Variants in ADCY3 observed in about 807,000 individuals in gnomAD.
ADCY3 encodes adenylate cyclase type 3.
A neutral mutation model predicts 119.4 loss-of-function variants in ADCY3; 70 were observed. The ratio of observed to expected loss-of-function variants is 0.59; its 90% confidence interval spans 0.48 to 0.72. The LOEUF (loss-of-function observed/expected upper bound fraction) is 0.72. Ranked by LOEUF, ADCY3 falls within the 30% of genes least tolerant of loss-of-function variation. The probability of loss-of-function intolerance (pLI) is 0.00; values close to 1 mark genes in which losing one functional copy is unlikely to be tolerated. For missense variants in ADCY3, 1,238 were observed against 1,541.6 expected, an observed-to-expected ratio of 0.80 and a Z score of 3.30; for synonymous variants, 672 against 621.4, an observed-to-expected ratio of 1.08 and a Z score of -1.21.
intron 2 of ADCY3, among the ~76,000 whole-genome samples, chr2:24,880,899 C>A (rs1676313709): frequency 6.6e-6 from 1 of 152,082 alleles, no homozygotes; most frequent in African/African-American, 2.4e-5. Context: ...CCTGTAATCC[C>A]AGCTATTCGG....
rs1322180749 is a variant in ADCY3, at chr2:24,842,985, G to C, written c.826-601C>G. Among the ~76,000 whole-genome samples the C allele has an allele frequency of 3.3e-5, 5 of 152,204 alleles. No homozygotes were observed. Reference sequence around the variant, plus strand: ...AGAGGACGGCGCAAGAGAGAAGCAGGGGCCAAGGTCGGCCGGGGAGGAGGC... The same window carrying C: ...AGAGGACGGCGCAAGAGAGAAGCAGCGGCCAAGGTCGGCCGGGGAGGAGGC... On this transcript the variant is annotated intron_variant, in intron 3 of 21. Transcript: ENST00000679454. The surrounding 1 kb of genome is among the most constrained non-coding windows in gnomAD (Gnocchi z 4.9).
At chr2:24,913,715 C>T (rs2149071247) in intron 2 of ADCY3, among the ~76,000 whole-genome samples, 1 of 152,342 alleles carries the variant, frequency 6.6e-6, no homozygotes, top group South Asian at 2.1e-4. Context: ...GCAGCTCCCT[C>T]CAGCCCCTAG....
chr2:24,848,956 A>T (rs1474085288), intron 3 of ADCY3, among the ~76,000 whole-genome samples: 1 of 152,064 alleles, frequency 6.6e-6, no homozygotes, highest in Admixed American at 6.5e-5. Context: ...TTTGAGTCTC[A>T]GCCCCCCCCG....
chr2:24,918,296 C>A lies in ADCY3; in HGVS notation c.675+17G>T. 1.3e-6 allele frequency: 2 copies of A among 1,533,658 alleles called. No homozygotes were observed. Among genetic ancestry groups the A allele is most frequent in the Non-Finnish European group, 1.8e-6 (2 of 1,141,576 alleles). ...TGCAGGAGAGGACGCTGTGGGGGGACAGTGGGCAGGACTCACCTCCCGCAG... is the reference window on the plus strand; with the variant it reads ...TGCAGGAGAGGACGCTGTGGGGGGAAAGTGGGCAGGACTCACCTCCCGCAG... On this transcript the variant is annotated intron_variant, in intron 2 of 21. Coordinates refer to ENST00000679454, the MANE Select transcript of ADCY3 (RefSeq NM_004036.5). This position sits in a 1 kb window ranked among gnomAD's most constrained non-coding sequence, Gnocchi z 5.4.
intron 3 of ADCY3, among the ~76,000 whole-genome samples, chr2:24,849,717 G>C (rs1234777922): frequency 6.6e-6 from 1 of 152,186 alleles, no homozygotes; most frequent in Non-Finnish European, 1.5e-5. Context: ...AGTGCGTGCA[G>C]AAGAAAGGAC....
At position 24,876,183 on chromosome 2, in the gene ADCY3, T is replaced by A. The variant is rs562906557; in HGVS notation, c.676-3464A>T. On this transcript the variant is annotated intron_variant, in intron 2 of 21. Transcript: ENST00000679454. ...AATTTTATTCTTTGTAGAGATGGGGTCTTGCTATATTGCCCAGGCTAGTCT... is the reference window on the plus strand; with the variant it reads ...AATTTTATTCTTTGTAGAGATGGGGACTTGCTATATTGCCCAGGCTAGTCT... Among the ~76,000 whole-genome samples, 27 of 152,224 alleles carry A rather than the reference T, an allele frequency of 1.8e-4. No individual in the cohort carries two copies. The Middle Eastern group carries it at 0.01, about 58-fold the overall frequency.
intron 2 of ADCY3, among the ~76,000 whole-genome samples, chr2:24,910,031 C>T (rs1342846040): frequency 6.6e-6 from 1 of 152,180 alleles, no homozygotes. Flanking sequence ...AGGCTCCAGA[C>T]ATGAGTAAAG....
intron 2 of ADCY3, among the ~76,000 whole-genome samples, chr2:24,906,167 C>T (rs1441199479): frequency 1.3e-5 from 2 of 151,988 alleles, no homozygotes; most frequent in Non-Finnish European, 2.9e-5. Flanking sequence ...ACTAGCCAGT[C>T]GTGGTGGTGC....
At chr2:24,908,785 C>T (rs1351537667) in intron 2 of ADCY3, among the ~76,000 whole-genome samples, 1 of 152,198 alleles carries the variant, frequency 6.6e-6, no homozygotes, top group African/African-American at 2.4e-5. Flanking sequence ...ATCAGACAGA[C>T]ACTGCTTCCT....
At chr2:24,905,136 A>ATTT (rs775630835) in intron 2 of ADCY3, among the ~76,000 whole-genome samples, 80 of 140,070 alleles carry the variant, frequency 5.7e-4, no homozygotes, top group African/African-American at 1.9e-3. Flanking sequence ...GTGTTTTTGC[A>ATTT]TTTTTTTTTT....
At chr2:24,914,536 G>A (rs770857618) in intron 2 of ADCY3, among the ~76,000 whole-genome samples, 2 of 152,082 alleles carry the variant, frequency 1.3e-5, no homozygotes, top group South Asian at 2.1e-4. Flanking sequence ...TTAGCCAGAC[G>A]TGGTGGCGGC....
rs1025963647 is a variant in ADCY3, at chr2:24,920,052, CGCG to C, written c.-570_-568del. ...GCTCTCCGGACCCCTCCCCTGCACC[CGCG>C]GCGGCGGCGGCTGCTAGGGGCGCGC... On this transcript the variant is annotated 5_prime_UTR_variant, in exon 1 of 22. Transcript: ENST00000679454. This position sits in a 1 kb window ranked among gnomAD's most constrained non-coding sequence, Gnocchi z 4.5. 2.1e-5 allele frequency among the ~76,000 whole-genome samples: 3 copies of C among 146,068 alleles called. No homozygotes were observed. Among genetic ancestry groups the C allele is most frequent in the Non-Finnish European group, 1.5e-5 (1 of 65,726 alleles).
In ADCY3 at chr2:24,898,080, G is replaced by A. The variant is rs1299408535; in HGVS notation, c.675+20233C>T. The stretch of plus-strand genomic sequence containing the variant: ...CCTTCCAGGCTTCTTTGTTACTACT[G>A]CACCCAACTCTCCAGTCAGAGGTTC... On this transcript the variant is annotated intron_variant, in intron 2 of 21. Transcript: ENST00000679454. This position sits in a 1 kb window ranked among gnomAD's most constrained non-coding sequence, Gnocchi z 4.3. Among the ~76,000 whole-genome samples, 2 of 151,944 alleles carry A rather than the reference G, an allele frequency of 1.3e-5. No individual in the cohort carries two copies. The highest frequency in any genetic ancestry group is 2.9e-5 in the Non-Finnish European group (2 of 68,008).
intron 2 of ADCY3, among the ~76,000 whole-genome samples, chr2:24,910,182 T>A (rs554889269): frequency 5.3e-5 from 8 of 152,322 alleles, no homozygotes; most frequent in Admixed American, 4.6e-4. Context: ...CACAGGATCA[T>A]GAGAAACAAT....
intron 6 of ADCY3, among the ~76,000 whole-genome samples, chr2:24,840,839 A>G (rs773655712): frequency 4.5e-4 from 69 of 152,158 alleles, no homozygotes; most frequent in Non-Finnish European, 9.7e-4. Context: ...CCCCTCTGCC[A>G]GGGTCTTACA....
intron 2 of ADCY3, among the ~76,000 whole-genome samples, chr2:24,902,309 G>A (rs150732746): frequency 9.5e-4 from 144 of 152,074 alleles, no homozygotes; most frequent in Middle Eastern, 3.4e-3. Flanking sequence ...TCGAATTCCT[G>A]GGCTCAAGCG....
At chr2:24,862,495 G>A (rs1372949502) in intron 3 of ADCY3, among the ~76,000 whole-genome samples, 2 of 151,472 alleles carry the variant, frequency 1.3e-5, no homozygotes, top group Admixed American at 6.6e-5. Context: ...GCAGTGAGCC[G>A]AGATCGTGCC....
intron 16 of ADCY3, 58 bp downstream of exon 16, chr2:24,825,987 T>G: frequency 6.4e-7 from 1 of 1,557,390 alleles, no homozygotes. Context: ...CAGGGCTGCT[T>G]CTCAGGAGGC....
chr2:24,838,689 C>T, intron 7 of ADCY3, 67 bp from the exon 8 acceptor site: 1 of 1,600,342 alleles, frequency 6.2e-7, no homozygotes, highest in Non-Finnish European at 8.5e-7. Context: ...AGGGGACAGT[C>T]CACGGACCAC....
Sources: gnomAD v4.1 joint callset for allele counts (sites outside exome capture counted in the v4.1 genomes callset) on GRCh38, gnomAD v4.1.1 for gene constraint, Gnocchi (gnomAD v3.1) non-coding constraint, MANE v1.5 for transcripts, NCBI Gene and HGNC (gene_info 2026-07-23, HGNC 2026-07-21) for gene names.